The following RNF157 variants were observed in gnomAD, a reference collection of about 807,000 sequenced individuals.
RNF157 encodes the protein ring finger protein 157.
RNF157 carries 55 observed loss-of-function variants against 88.3 expected under a neutral mutation model. The ratio of observed to expected loss-of-function variants is 0.62; its 90% CI spans 0.50 to 0.78. RNF157 has a LOEUF of 0.78. Among genes scored for constraint, RNF157 ranks in the 30% least tolerant of loss-of-function variants. RNF157 has a pLI of 0.00. For synonymous variants in RNF157, 334 were observed against 341.2 expected, an observed-to-expected ratio of 0.98 and a Z score of 0.23; for missense variants, 788 against 860.8, an observed-to-expected ratio of 0.92 and a Z score of 1.06.
intron 1 of RNF157, among the ~76,000 whole-genome samples, chr17:76,236,789 G>C (rs922818287): frequency 6.6e-6 from 1 of 152,302 alleles, no homozygotes. Flanking sequence ...CTATATAGTT[G>C]TTAAAAAGCA....
rs570180754 is a variant in RNF157 at position 76,162,617 on chromosome 17, C to T, written c.727G>A (p.Gly243Arg). The T allele has an allele frequency of 6.2e-6, 10 of 1,611,192 alleles. No homozygotes were observed. The East Asian group carries it at 6.7e-5, about 11-fold the overall frequency. ...ATCTCCTGAAGGAGGTAGCTGACCC[C>T]GTCTACCTGAACAGCAAACAGAAAG... ...KPLKQKQVVD[G>R]VSYLLQEIYG... is the part of the protein sequence containing the mutation. The change falls in exon 9 of 19, where the codon GGG becomes AGG. Residue 243 changes from glycine to arginine, a missense_variant. Transcript: ENST00000269391.
At position 76,156,299 on chromosome 17, in the gene RNF157, C is replaced by T. The variant is rs763928767; in HGVS notation, c.1436G>A (p.Ser479Asn). The T allele has an allele frequency of 1.9e-6, 3 of 1,614,112 alleles. No individual in the cohort carries two copies. Among genetic ancestry groups the T allele is most frequent in the Non-Finnish European group, 1.7e-6 (2 of 1,180,016 alleles). The change falls in exon 14 of 19, where the codon AGT (serine) becomes AAT (asparagine). Residue 479 changes from serine to asparagine, a missense_variant. Transcript: ENST00000269391. Reference protein sequence around the residue: ...LGEECGVTPESENLTLSSSGA... With the variant: ...LGEECGVTPENENLTLSSSGA... ...AGATGACGACAAGGTGAGATTCTCACTTTCTGGAGTCACACCACATTCCTG... is the reference window on the plus strand; with the variant it reads ...AGATGACGACAAGGTGAGATTCTCATTTTCTGGAGTCACACCACATTCCTG...
At position 76,162,170 on chromosome 17, in the gene RNF157, ACTT is replaced by A. The variant is rs2068855562; in HGVS notation, c.793-171_793-169del. 4 of 672,910 alleles carry A rather than the reference ACTT, an allele frequency of 5.9e-6. No individual in the cohort carries two copies. The East Asian group carries it at 1.1e-4, about 18-fold the overall frequency. The allele number at this position is 672,910 out of a possible 1,614,324, so 41.7% of individuals were successfully genotyped here. On this transcript the variant is annotated intron_variant, in intron 9 of 18. Coordinates refer to ENST00000269391, the MANE Select transcript of RNF157 (RefSeq NM_052916.3). ...CCAGTGCGTCCACACACTTAGCTTC[ACTT>A]CTTCTGGGAAGTGTTTATCTAAAAT...
At chr17:76,181,459 T>C (rs2069186461) in intron 2 of RNF157, among the ~76,000 whole-genome samples, 1 of 152,086 alleles carries the variant, frequency 6.6e-6, no homozygotes. Context: ...CTGCAGAAGA[T>C]ACAAATGTAC....
At chr17:76,198,390 T>A (rs1414728531) in intron 2 of RNF157, among the ~76,000 whole-genome samples, 4 of 152,146 alleles carry the variant, frequency 2.6e-5, no homozygotes, top group East Asian at 1.9e-4. Flanking sequence ...ACCACAGTAA[T>A]TGATTCCAAA....
intron 18 of RNF157, 40 bp downstream of exon 18, chr17:76,152,315 C>T: frequency 1.1e-5 from 14 of 1,263,334 alleles, no homozygotes; most frequent in East Asian, 2.3e-5. Flanking sequence ...GCACAGGGAT[C>T]GTCTCCCACC....
chr17:76,238,984 G>C (rs779407082), intron 1 of RNF157, among the ~76,000 whole-genome samples: 2 of 152,150 alleles, frequency 1.3e-5, no homozygotes, highest in Non-Finnish European at 2.9e-5. Flanking sequence ...CAGGTTCATC[G>C]TCTGGCCCCT....
chr17:76,189,391 G>A (rs887889928), intron 2 of RNF157, among the ~76,000 whole-genome samples: 1 of 152,182 alleles, frequency 6.6e-6, no homozygotes, highest in African/African-American at 2.4e-5. Flanking sequence ...CAGGATCTAT[G>A]AGCAGAAGGC....
At chr17:76,214,128 T>C (rs915006293) in intron 1 of RNF157, among the ~76,000 whole-genome samples, 4 of 152,154 alleles carry the variant, frequency 2.6e-5, no homozygotes, top group Admixed American at 6.5e-5. Flanking sequence ...GGGCTTGCGA[T>C]GGGCATCAGA....
rs1282301609 is a variant in RNF157, at chr17:76,144,989, G to A, written c.*246C>T. ...CCACCTGAACATCAATATACCGTGA[G>A]GACATTCCAGAGTCCCTGCAAAAGG... On this transcript the variant is annotated 3_prime_UTR_variant, in exon 19 of 19. Transcript: ENST00000269391. 1.7e-5 allele frequency: 8 copies of A among 469,580 alleles called. No individual in the cohort carries two copies. Among genetic ancestry groups the A allele is most frequent in the Admixed American group, 7.9e-5 (2 of 25,210 alleles). 29.1% of individuals were successfully genotyped at this position (469,580 alleles called of 1,614,324 possible). A position where few individuals can be genotyped will look rare whatever the true frequency, so the allele number is the denominator to read the frequency against.
chr17:76,170,554 G>A lies in RNF157; in HGVS notation c.297-2757C>T, dbSNP rs1419068482. 2.6e-5 allele frequency among the ~76,000 whole-genome samples: 4 copies of A among 152,282 alleles called. No individual in the cohort carries two copies. In the Middle Eastern group the frequency reaches 0.014, roughly 518 times the overall value. On this transcript the variant is annotated intron_variant, in intron 3 of 18. Coordinates refer to ENST00000269391, the MANE Select transcript of RNF157 (RefSeq NM_052916.3). ...TCATCTGCCTGCCTTTGGCCAAGGT[G>A]TAGGAATGTAGTTCTGGCTGTGTGG...
chr17:76,226,157 T>C, intron 1 of RNF157: 2 of 1,605,254 alleles, frequency 1.2e-6, no homozygotes, highest in South Asian at 1.1e-5. Flanking sequence ...GCCACTATCA[T>C]TATCTGAAGG....
chr17:76,226,796 A>T (rs2070095947), intron 1 of RNF157: 3 of 1,555,174 alleles, frequency 1.9e-6, no homozygotes, highest in East Asian at 4.5e-5. Context: ...CAGGAAGCTC[A>T]TTTCGGTCAT....
chr17:76,191,537 G>T (rs1355312301), intron 2 of RNF157, among the ~76,000 whole-genome samples: 1 of 149,900 alleles, frequency 6.7e-6, no homozygotes, highest in Non-Finnish European at 1.5e-5. Flanking sequence ...GGAGGTGGAG[G>T]TTGCAGTGAG....
At chr17:76,218,605 C>T (rs887505686) in intron 1 of RNF157, among the ~76,000 whole-genome samples, 1 of 151,748 alleles carries the variant, frequency 6.6e-6, no homozygotes, top group Non-Finnish European at 1.5e-5. Flanking sequence ...CCCCTGGACT[C>T]CAGCCTGGGC....
chr17:76,149,561 T>G (rs1437113711), intron 18 of RNF157, among the ~76,000 whole-genome samples: 1 of 152,140 alleles, frequency 6.6e-6, no homozygotes, highest in African/African-American at 2.4e-5. Context: ...TATTCCTGTC[T>G]GTAACCTAGC....
At chr17:76,153,460 G>A (rs1407730827) in intron 17 of RNF157, 1 of 152,296 alleles carries the variant, frequency 6.6e-6, no homozygotes, top group Admixed American at 6.5e-5. Context: ...ACATCTGCTG[G>A]TGCGTCTGTA....
At chr17:76,173,965 G>A (rs1345343716) in intron 2 of RNF157, among the ~76,000 whole-genome samples, 175 bp from the exon 3 acceptor site, 1 of 152,086 alleles carries the variant, frequency 6.6e-6, no homozygotes, top group African/African-American at 2.4e-5. Context: ...CAAGGTCACA[G>A]CTAGCGGGAA....
At chr17:76,193,804 T>A (rs2069426284) in intron 2 of RNF157, among the ~76,000 whole-genome samples, 1 of 152,234 alleles carries the variant, frequency 6.6e-6, no homozygotes. Context: ...CTCTCCCGCA[T>A]CCTGCAGTGA....
Sources: gnomAD v4.1 joint callset for allele counts (sites outside exome capture counted in the v4.1 genomes callset) on GRCh38, gnomAD v4.1.1 for gene constraint, MANE v1.5 for transcripts, NCBI Gene and HGNC (gene_info 2026-07-23, HGNC 2026-07-21) for gene names.